The following EHMT1 variants were observed in gnomAD, a reference collection of about 807,000 sequenced individuals.
The protein encoded by EHMT1 is histone-lysine N-methyltransferase EHMT1.
A neutral mutation model predicts 147.2 loss-of-function variants in EHMT1; 15 were observed. The observed-to-expected ratio is 0.10, with a 90% CI of 0.07 to 0.16. The LOEUF (loss-of-function observed/expected upper bound fraction) is 0.16. EHMT1 is among the 10% of genes least tolerant of loss of function. The pLI, the probability that EHMT1 is intolerant of heterozygous loss-of-function variation, is 1.00. For missense variants in EHMT1, 1,587 were observed against 1,772.4 expected (o/e 0.90, Z 1.88); for synonymous variants, 795 against 709.6 (o/e 1.12, Z -1.91).
intron 18 of EHMT1, chr9:137,802,838 CT>C: frequency 8.1e-7 from 1 of 1,232,002 alleles, no homozygotes; most frequent in South Asian, 4.1e-5. Flanking sequence ...CACCGGAGTT[CT>C]TTCCCACTGC....
intron 1 of EHMT1, among the ~76,000 whole-genome samples, chr9:137,670,988 T>A (rs1159770343): frequency 6.6e-6 from 1 of 152,194 alleles, no homozygotes; most frequent in Admixed American, 6.5e-5. Context: ...CACTGTTGTG[T>A]GACTCTTGTT....
rs959970273 is a variant in EHMT1 at position 137,813,866 on chromosome 9, G to A, written c.3180+336G>A. 2.0e-5 allele frequency among the ~76,000 whole-genome samples: 3 copies of A among 152,132 alleles called. No individual in the cohort carries two copies. The highest frequency in any genetic ancestry group is 1.9e-4 in the East Asian group (1 of 5,190). On this transcript the variant is annotated intron_variant, in intron 21 of 26. Transcript: ENST00000460843. This position sits in a 1 kb window ranked among gnomAD's most constrained non-coding sequence, Gnocchi z 4.9. ...GGGCACAGGCGAGAGGAGCCCTTGCGAGGCCTGCAGGACGACCTGGATCCC... is the reference window on the plus strand; with the variant it reads ...GGGCACAGGCGAGAGGAGCCCTTGCAAGGCCTGCAGGACGACCTGGATCCC...
chr9:137,670,663 A>G (rs896581255), intron 1 of EHMT1, among the ~76,000 whole-genome samples: 2 of 152,030 alleles, frequency 1.3e-5, no homozygotes, highest in African/African-American at 4.8e-5. Flanking sequence ...GGTCTGCAGC[A>G]TATCAGCCCA....
At chr9:137,628,946 G>A (rs2133571077) in intron 1 of EHMT1, among the ~76,000 whole-genome samples, 1 of 151,946 alleles carries the variant, frequency 6.6e-6, no homozygotes, top group South Asian at 2.1e-4. Context: ...ATCATGTTTT[G>A]GATTCTTTAG....
chr9:137,834,277 T>C, intron 25 of EHMT1, 72 bp from the exon 26 acceptor site: 1 of 1,590,646 alleles, frequency 6.3e-7, no homozygotes, highest in Non-Finnish European at 8.5e-7. Context: ...CTGCCATGCA[T>C]GGCCGTACCC....
In EHMT1 at chr9:137,811,347, C is replaced by G. The variant is rs960432554; in HGVS notation, c.2713-114C>G. 3 of 1,479,128 alleles carry G rather than the reference C, an allele frequency of 2.0e-6. No homozygotes were observed. The African/African-American group carries it at 4.1e-5, about 20-fold the overall frequency. 91.6% of individuals were successfully genotyped at this position (1,479,128 alleles called of 1,614,324 possible). A position where few individuals can be genotyped will look rare whatever the true frequency, so the allele number is the denominator to read the frequency against. On this transcript the variant is annotated intron_variant, in intron 18 of 26. Coordinates refer to ENST00000460843, the MANE Select transcript of EHMT1 (RefSeq NM_024757.5). ...TCCACCTGGCCCTGCTGCGGACGGC[C>G]ACGCATGCTCCAGAGCCTCTCCCCG... is the stretch of plus-strand genomic sequence containing the variant.
intron 1 of EHMT1, among the ~76,000 whole-genome samples, chr9:137,687,250 T>G (rs967320686): frequency 6.6e-6 from 1 of 151,498 alleles, no homozygotes; most frequent in East Asian, 1.9e-4. Flanking sequence ...TGGGAAAATG[T>G]GAGTCCTCCA....
intron 18 of EHMT1, 67 bp downstream of exon 18, chr9:137,801,051 T>G: frequency 4.1e-6 from 6 of 1,462,788 alleles, no homozygotes; most frequent in Non-Finnish European, 5.7e-6. Flanking sequence ...CCCCAGAAGG[T>G]TCTTTTCTCA....
rs550860642 is a variant in EHMT1 at position 137,679,241 on chromosome 9, G to T, written c.22-31726G>T. ...TGGGATTACAGGTGTGAGCCACTGT[G>T]CCCGACCTGAGAAATTGTTTGTTTC... On this transcript the variant is annotated intron_variant, in intron 1 of 26. Coordinates refer to ENST00000460843, the MANE Select transcript of EHMT1 (RefSeq NM_024757.5). Among the ~76,000 whole-genome samples, 17 of 152,270 alleles carry T rather than the reference G, an allele frequency of 1.1e-4. No homozygotes were observed. In the East Asian group the frequency reaches 3.3e-3, roughly 29 times the overall value.
chr9:137,816,035 G>A lies in EHMT1; in HGVS notation c.3347G>A (p.Arg1116Gln), dbSNP rs769124795. The change falls in exon 23 of 27, where the codon CGA becomes CAA. Residue 1116 changes from arginine to glutamine, a missense_variant. By Grantham distance (43) the Arg-to-Gln change is conservative. Around this residue, in one of 7 missense-constraint regions of EHMT1, gnomAD observed 156 missense variants for 252.5 expected, o/e 0.62. Coordinates refer to ENST00000460843, the MANE Select transcript of EHMT1 (RefSeq NM_024757.5). ...GCGTGCTCCTGCTGGAGGAACTGCCGAAATCGCGTCGTACAGAATGGTCTC... is the reference window on the plus strand; with the variant it reads ...GCGTGCTCCTGCTGGAGGAACTGCCAAAATCGCGTCGTACAGAATGGTCTC... ...NHACSCWRNC[R>Q]NRVVQNGLRA... 14 of 1,612,774 alleles carry A rather than the reference G, an allele frequency of 8.7e-6. No individual in the cohort carries two copies. Among genetic ancestry groups the A allele is most frequent in the Admixed American group, 5.0e-5 (3 of 59,920 alleles).
intron 1 of EHMT1, among the ~76,000 whole-genome samples, chr9:137,672,111 G>A (rs1030167893): frequency 6.6e-6 from 1 of 152,246 alleles, no homozygotes; most frequent in Non-Finnish European, 1.5e-5. Flanking sequence ...TCAGGCACGA[G>A]ATGTGTGATA....
At chr9:137,674,407 C>G (rs1388586334) in intron 1 of EHMT1, among the ~76,000 whole-genome samples, 1 of 152,210 alleles carries the variant, frequency 6.6e-6, no homozygotes, top group Non-Finnish European at 1.5e-5. Flanking sequence ...AATTCCGTCC[C>G]CTTTTCTGGC....
In EHMT1 at chr9:137,784,236, C is replaced by T. The variant is rs1028180926; in HGVS notation, c.2382+1839C>T. 6 of 1,537,222 alleles carry T rather than the reference C, an allele frequency of 3.9e-6. No homozygotes were observed. In the African/African-American group the frequency reaches 6.9e-5, roughly 18 times the overall value. ...TGCTCCAGCACAGCCTTGCTGTGGA[C>T]CAGGCCGCCCACAGGGAGCAGGTCC... On this transcript the variant is annotated intron_variant, in intron 15 of 26. Transcript: ENST00000460843.
chr9:137,741,780 A>G (rs1047947864), intron 4 of EHMT1, among the ~76,000 whole-genome samples: 11 of 152,136 alleles, frequency 7.2e-5, no homozygotes, highest in Non-Finnish European at 1.5e-4. Context: ...TGTATTTTCA[A>G]CCTGTTTGGT....
chr9:137,772,574 C>T (rs1021412047), intron 10 of EHMT1, among the ~76,000 whole-genome samples: 1 of 152,248 alleles, frequency 6.6e-6, no homozygotes, highest in African/African-American at 2.4e-5. Context: ...ATTCTTTAGC[C>T]TTCCAGGGTT....
At chr9:137,720,226 G>A (rs1309192725) in intron 3 of EHMT1, among the ~76,000 whole-genome samples, 1 of 152,092 alleles carries the variant, frequency 6.6e-6, no homozygotes, top group Non-Finnish European at 1.5e-5. Flanking sequence ...CAGGGTCCCT[G>A]ACGTCACCCT....
At chr9:137,738,605 A>C (rs1947766261) in intron 4 of EHMT1, 1 of 152,168 alleles carries the variant, frequency 6.6e-6, no homozygotes, top group African/African-American at 2.4e-5. Context: ...CGTTGATAGC[A>C]GCATCAACCA....
chr9:137,826,610 C>T (rs1212358174), intron 25 of EHMT1, among the ~76,000 whole-genome samples: 2 of 152,224 alleles, frequency 1.3e-5, no homozygotes, highest in African/African-American at 2.4e-5. Context: ...AGGACCCCAC[C>T]GCCTGGCTCA....
chr9:137,685,087 A>AGT (rs1942311835), intron 1 of EHMT1, among the ~76,000 whole-genome samples: 1 of 152,136 alleles, frequency 6.6e-6, no homozygotes, highest in Non-Finnish European at 1.5e-5. Flanking sequence ...ATTGTGATAA[A>AGT]GTATACTTAA....
Sources: allele counts gnomAD v4.1 joint callset (sites outside exome capture counted in the v4.1 genomes callset), GRCh38; gene constraint gnomAD v4.1.1; regional missense constraint gnomAD v4.1.1; non-coding constraint Gnocchi (gnomAD v3.1); transcripts MANE v1.5; gene names NCBI Gene and HGNC (gene_info 2026-07-23, HGNC 2026-07-21).